IFT57: variants seen among roughly 807,000 people sequenced by gnomAD.
IFT57 encodes the protein intraflagellar transport 57.
In IFT57, 59 loss-of-function variants were observed where a neutral mutation model predicts 56.8. That is an observed-to-expected ratio of 1.04 (90% CI 0.84 to 1.29). The LOEUF (loss-of-function observed/expected upper bound fraction) is 1.29, where lower values mean the gene tolerates loss of function less well. IFT57 is among the 50% of genes most tolerant of loss of function. The probability of loss-of-function intolerance (pLI) is 0.00; values close to 1 mark genes in which losing one functional copy is unlikely to be tolerated. For synonymous variants in IFT57, 209 were observed against 186.1 expected (o/e 1.12, Z -1.00); for missense variants, 470 against 522.1 (o/e 0.90, Z 0.97).
intron 6 of IFT57, among the ~76,000 whole-genome samples, chr3:108,186,969 T>A (rs1368576096): frequency 6.6e-6 from 1 of 152,204 alleles, no homozygotes; most frequent in Non-Finnish European, 1.5e-5. Context: ...ATACAAAATA[T>A]CTGTTAATTG....
chr3:108,170,320 T>C (rs1005449026), intron 6 of IFT57, among the ~76,000 whole-genome samples: 6 of 152,018 alleles, frequency 3.9e-5, no homozygotes, highest in Non-Finnish European at 8.8e-5. Flanking sequence ...ACAAAATCAA[T>C]GTGCAAAAAT....
chr3:108,201,021 T>C (rs2080276144), intron 5 of IFT57, among the ~76,000 whole-genome samples: 1 of 152,202 alleles, frequency 6.6e-6, no homozygotes, highest in Non-Finnish European at 1.5e-5. Flanking sequence ...TGTCAGGTAC[T>C]GTCCACAGGT....
At chr3:108,169,136 C>T (rs943847827) in intron 6 of IFT57, among the ~76,000 whole-genome samples, 1 of 151,972 alleles carries the variant, frequency 6.6e-6, no homozygotes, top group Non-Finnish European at 1.5e-5. Flanking sequence ...TCCTATTCTC[C>T]ACATCCTCAC....
chr3:108,187,819 A>C (rs896314768), intron 6 of IFT57, among the ~76,000 whole-genome samples: 1 of 152,014 alleles, frequency 6.6e-6, no homozygotes, highest in Non-Finnish European at 1.5e-5. Context: ...CACTGACCCC[A>C]AAATAATACA....
At chr3:108,190,234 T>C (rs2080207839) in intron 6 of IFT57, among the ~76,000 whole-genome samples, 1 of 152,136 alleles carries the variant, frequency 6.6e-6, no homozygotes, top group South Asian at 2.1e-4. Context: ...GTTAAGACTT[T>C]GGGGGACTGT....
At chr3:108,215,565 G>A (rs17829831) in intron 3 of IFT57, among the ~76,000 whole-genome samples, 13,886 of 151,506 alleles carry the variant, frequency 0.092, 695 homozygotes, top group Middle Eastern at 0.12. Flanking sequence ...CCTCAATCAT[G>A]TTAAAAAAAT....
rs182654586 is a variant in IFT57, at chr3:108,174,314, T to C, written c.778-6450A>G. 1.8e-4 allele frequency among the ~76,000 whole-genome samples: 27 copies of C among 147,326 alleles called. No individual in the cohort carries two copies. In the East Asian group the frequency reaches 4.9e-3, roughly 27 times the overall value. On this transcript the variant is annotated intron_variant, in intron 6 of 10. Transcript: ENST00000264538. ...AAAACTATTAACATAACTGCGATAG[T>C]TAAAAGCTTTACAGAAGTTTGTGTC...
intron 6 of IFT57, among the ~76,000 whole-genome samples, chr3:108,176,521 A>G (rs1457461772): frequency 1.3e-5 from 2 of 151,856 alleles, no homozygotes; most frequent in Non-Finnish European, 2.9e-5. Context: ...CTCTCAATTC[A>G]AAGTTTGTAC....
At chr3:108,208,269 C>T (rs746670494) in intron 4 of IFT57, among the ~76,000 whole-genome samples, 2 of 152,122 alleles carry the variant, frequency 1.3e-5, no homozygotes, top group Non-Finnish European at 2.9e-5. Flanking sequence ...CAGAGGTATA[C>T]ACTTTTGTCA....
chr3:108,171,182 T>C (rs563400596), intron 6 of IFT57, among the ~76,000 whole-genome samples: 1 of 152,002 alleles, frequency 6.6e-6, no homozygotes, highest in East Asian at 1.9e-4. Flanking sequence ...ATGTACCAAT[T>C]ATAAAATTAT....
In IFT57 at chr3:108,167,881, C is replaced by T; in HGVS notation, c.778-17G>A. On this transcript the variant is annotated splice_polypyrimidine_tract_variant and intron_variant, in intron 6 of 10. Transcript: ENST00000264538. ...TCTCCAATCCTACAGGCATAGAGCACATAGAAATAATGTAAAAAATACTAC... is the reference window on the plus strand; with the variant it reads ...TCTCCAATCCTACAGGCATAGAGCATATAGAAATAATGTAAAAAATACTAC... The T allele has an allele frequency of 7.8e-6, 12 of 1,544,836 alleles. No homozygotes were observed. The highest frequency in any genetic ancestry group is 9.6e-6 in the Non-Finnish European group (11 of 1,143,692).
intron 6 of IFT57, among the ~76,000 whole-genome samples, chr3:108,174,327 A>T (rs1046543072): frequency 7.6e-6 from 1 of 131,796 alleles, no homozygotes; most frequent in African/African-American, 2.8e-5. Context: ...AAAGCTTTAC[A>T]GAAGTTTGTG....
Position 108,182,856 on chromosome 3 carries a change from A to G in IFT57, c.777+8665T>C, listed in dbSNP as rs551174815. Among the ~76,000 whole-genome samples, 446 of 152,280 alleles carry G rather than the reference A, an allele frequency of 2.9e-3. 6 individuals carry two copies. The highest frequency in any genetic ancestry group is 4.5e-3 in the Non-Finnish European group (308 of 68,018). On this transcript the variant is annotated intron_variant, in intron 6 of 10. Transcript: ENST00000264538. ...GACATTTTGGTGGAATGAAGGGGAT[A>G]CCTACCCAACTATCTTTTAAAACAA...
Position 108,161,865 on chromosome 3 carries a change from T to C in IFT57, c.*612A>G, listed in dbSNP as rs1342184008. 6.6e-6 allele frequency: 1 copy of C among 152,232 alleles called. No individual in the cohort carries two copies. The highest frequency in any genetic ancestry group is 1.5e-5 in the Non-Finnish European group (1 of 68,040). The allele number at this position is 152,232 out of a possible 1,614,324, so 9.4% of individuals were successfully genotyped here. A position where few individuals can be genotyped will look rare whatever the true frequency, so the allele number is the denominator to read the frequency against. ...TGACTGACTTATCATCATTCATTTA[T>C]CCTTTTATTTAGTGGCTTAGATCCT... On this transcript the variant is annotated 3_prime_UTR_variant, in exon 11 of 11. Transcript: ENST00000264538.
At chr3:108,221,581 C>G (rs1173656854) in intron 1 of IFT57, among the ~76,000 whole-genome samples, 1 of 152,196 alleles carries the variant, frequency 6.6e-6, no homozygotes, top group East Asian at 1.9e-4. Context: ...AACAAGTTTA[C>G]TAACCGCATT....
At chr3:108,192,138 C>T (rs1242327751) in intron 5 of IFT57, among the ~76,000 whole-genome samples, 1 of 121,508 alleles carries the variant, frequency 8.2e-6, no homozygotes, top group Non-Finnish European at 1.6e-5. Context: ...TGCTACTGCA[C>T]TACTCCAGCC....
At chr3:108,191,933 T>G (rs2108317826) in intron 5 of IFT57, among the ~76,000 whole-genome samples, 1 of 152,226 alleles carries the variant, frequency 6.6e-6, no homozygotes, top group East Asian at 1.9e-4. Flanking sequence ...TACCATCAAA[T>G]GGACCAACAA....
intron 6 of IFT57, among the ~76,000 whole-genome samples, chr3:108,169,735 A>G (rs1426949239): frequency 1.3e-5 from 2 of 151,990 alleles, no homozygotes; most frequent in South Asian, 2.1e-4. Context: ...ATGAACATCA[A>G]TGTGAAAACC....
chr3:108,209,402 T>A (rs543314050), intron 4 of IFT57, among the ~76,000 whole-genome samples: 22 of 152,330 alleles, frequency 1.4e-4, no homozygotes, highest in Non-Finnish European at 2.9e-4. Context: ...GATGAAATTA[T>A]AACCATGCTA....
Sources: gnomAD v4.1 joint callset for allele counts (sites outside exome capture counted in the v4.1 genomes callset) on GRCh38, gnomAD v4.1.1 for gene constraint, MANE v1.5 for transcripts, NCBI Gene and HGNC (gene_info 2026-07-23, HGNC 2026-07-21) for gene names.